HEPHL1: variants seen among roughly 807,000 people sequenced by gnomAD.
HEPHL1 encodes ferroxidase HEPHL1.
HEPHL1 carries 123 observed loss-of-function variants against 122.0 expected under a neutral mutation model. The ratio of observed to expected loss-of-function variants is 1.01; its 90% CI spans 0.87 to 1.17. The LOEUF is 1.17. Among genes scored for constraint, HEPHL1 ranks in the 50% most tolerant of loss-of-function variants. HEPHL1 has a pLI of 0.00. For synonymous variants in HEPHL1, 527 were observed against 508.9 expected (o/e 1.04, Z -0.48); for missense variants, 1,452 against 1,430.5 (o/e 1.01, Z -0.24).
intron 13 of HEPHL1, among the ~76,000 whole-genome samples, chr11:94,096,997 G>GT (rs1946322024): frequency 6.6e-6 from 1 of 152,146 alleles, no homozygotes; most frequent in Non-Finnish European, 1.5e-5. Context: ...TTTTTGAAGG[G>GT]TTTTTTGTGT....
chr11:94,101,480 C>A, intron 14 of HEPHL1, 145 bp downstream of exon 14: 1 of 812,942 alleles, frequency 1.2e-6, no homozygotes, highest in Non-Finnish European at 1.9e-6. Context: ...GATCATCATT[C>A]ATCCAATGAC....
intron 1 of HEPHL1, among the ~76,000 whole-genome samples, chr11:94,023,157 G>A (rs1945596036): frequency 6.6e-6 from 1 of 152,158 alleles, no homozygotes; most frequent in Non-Finnish European, 1.5e-5. Context: ...TAAGTAAGTG[G>A]TAGCACCAAA....
chr11:94,111,632 T>G, intron 19 of HEPHL1, 27 bp downstream of exon 19: 1 of 1,608,886 alleles, frequency 6.2e-7, no homozygotes, highest in South Asian at 1.1e-5. Flanking sequence ...CCCATGTAAA[T>G]GAGTCAACAT....
rs1327049115 is a variant in HEPHL1 at position 94,113,543 on chromosome 11, GATTTC to G, written c.*1652_*1656del. The G allele has an allele frequency of 6.6e-6, 1 of 152,164 alleles. No individual in the cohort carries two copies. Among genetic ancestry groups the G allele is most frequent in the Non-Finnish European group, 1.5e-5 (1 of 68,032 alleles). 9.4% of individuals were successfully genotyped at this position (152,164 alleles called of 1,614,324 possible). ...TCAATCTGCTAACCATTGACAATGTGATTTCATAGTACATGTTCTACAGTTTTCAT... is the reference window on the plus strand; with the variant it reads ...TCAATCTGCTAACCATTGACAATGTGATAGTACATGTTCTACAGTTTTCAT... On this transcript the variant is annotated 3_prime_UTR_variant, in exon 20 of 20. Transcript: ENST00000315765.
chr11:94,027,931 C>T (rs1222737850), intron 1 of HEPHL1, among the ~76,000 whole-genome samples: 2 of 152,168 alleles, frequency 1.3e-5, no homozygotes, highest in Non-Finnish European at 2.9e-5. Context: ...ATCTCCGTCT[C>T]CACCCTTCCT....
At chr11:94,081,022 C>A (rs1217106670) in intron 9 of HEPHL1, among the ~76,000 whole-genome samples, 3 of 152,246 alleles carry the variant, frequency 2.0e-5, no homozygotes, top group African/African-American at 7.2e-5. Context: ...CTCACAACAG[C>A]AAAGACATGG....
At position 94,064,627 on chromosome 11, in the gene HEPHL1, G is replaced by T. The variant is rs112972531; in HGVS notation, c.808+117G>T. On this transcript the variant is annotated intron_variant, in intron 4 of 19. Coordinates refer to ENST00000315765, the MANE Select transcript of HEPHL1 (RefSeq NM_001098672.2). The stretch of plus-strand genomic sequence containing the variant: ...AGTTTGGCATGATTTATAACTCAGG[G>T]ATGACCATGGTTAGAAAGTGATACA... 2,195 of 688,942 alleles carry T rather than the reference G, an allele frequency of 3.2e-3. 40 individuals are homozygous for T. The African/African-American group carries it at 0.036, about 11-fold the overall frequency. The allele number at this position is 688,942 out of a possible 1,614,324, so 42.7% of individuals were successfully genotyped here. A position where few individuals can be genotyped will look rare whatever the true frequency, so the allele number is the denominator to read the frequency against.
Position 94,111,066 on chromosome 11 carries a change from G to C in HEPHL1, c.3208+1G>C, listed in dbSNP as rs1280283120. On this transcript the variant is annotated splice_donor_variant, in intron 18 of 19. Transcript: ENST00000315765. LOFTEE classifies it high-confidence loss of function. The stretch of plus-strand genomic sequence containing the variant: ...ACCTACACGGTCCTTCGTAACATAG[G>C]TACGGTTGTCTGTCAGTGATGCCAG... The C allele has an allele frequency of 6.4e-7, 1 of 1,570,930 alleles. No homozygotes were observed. Among genetic ancestry groups the C allele is most frequent in the Admixed American group, 1.9e-5 (1 of 54,024 alleles).
At chr11:94,093,386 T>A in intron 12 of HEPHL1, 115 bp from the exon 13 acceptor site, 2 of 1,200,466 alleles carry the variant, frequency 1.7e-6, no homozygotes, top group Non-Finnish European at 2.4e-6. Context: ...CAGGGAGCAC[T>A]TGATCACAGC....
chr11:94,111,828 C>T lies in HEPHL1; in HGVS notation c.3414C>T (p.Cys1138=), dbSNP rs770314111. The T allele has an allele frequency of 7.1e-6, 11 of 1,548,356 alleles. No homozygotes were observed. Among genetic ancestry groups the T allele is most frequent in the Admixed American group, 2.0e-5 (1 of 50,496 alleles). ...CGGTGATTCTCTCCCTCAGACTCTG[C>T]TCTGCAATGAAGCAGACAGATTACC... is the stretch of plus-strand genomic sequence containing the variant. ...ITTVILSLRL[C]SAMKQTDYQQ... Residue 1138 remains cysteine, a synonymous_variant, in exon 20 of 20, where the codon TGC becomes TGT. Transcript: ENST00000315765.
In HEPHL1 at chr11:94,073,184, C is replaced by T; in HGVS notation, c.1372+20C>T. On this transcript the variant is annotated intron_variant, in intron 7 of 19. Transcript: ENST00000315765. ...TTCTTGGTACAGTAAAACCATCCCC[C>T]ATGCATTGAACCCAGGGAGATGTTT... 1 of 1,612,514 alleles carries T rather than the reference C, an allele frequency of 6.2e-7. No homozygotes were observed. Among genetic ancestry groups the T allele is most frequent in the Non-Finnish European group, 8.5e-7 (1 of 1,179,204 alleles).
At chr11:94,046,259 A>C (rs1432491368) in intron 2 of HEPHL1, among the ~76,000 whole-genome samples, 1 of 150,570 alleles carries the variant, frequency 6.6e-6, no homozygotes, top group Non-Finnish European at 1.5e-5. Context: ...ACGCCCAGCT[A>C]ATTTTTTGTA....
At chr11:94,071,576 A>G (rs899264611) in intron 6 of HEPHL1, among the ~76,000 whole-genome samples, 8 of 152,178 alleles carry the variant, frequency 5.3e-5, no homozygotes, top group African/African-American at 1.9e-4. Flanking sequence ...TATTCAATCA[A>G]TGTTTAATGT....
chr11:94,057,144 G>T (rs148709869), intron 2 of HEPHL1, among the ~76,000 whole-genome samples: 1 of 152,030 alleles, frequency 6.6e-6, no homozygotes, highest in Non-Finnish European at 1.5e-5. Flanking sequence ...TCCCTTGTAC[G>T]TGATAGGTCA....
At chr11:94,026,270 T>G (rs1354108698) in intron 1 of HEPHL1, among the ~76,000 whole-genome samples, 2 of 152,204 alleles carry the variant, frequency 1.3e-5, no homozygotes, top group East Asian at 3.9e-4. Flanking sequence ...CAAAGGGTTC[T>G]CATTGAAACC....
At chr11:94,095,988 A>T (rs754916047) in intron 13 of HEPHL1, among the ~76,000 whole-genome samples, 2 of 152,048 alleles carry the variant, frequency 1.3e-5, no homozygotes, top group African/African-American at 2.4e-5. Flanking sequence ...GACTTCCTCT[A>T]TTCCTAATTG....
chr11:94,088,955 G>C lies in HEPHL1; in HGVS notation c.2281G>C (p.Ala761Pro), dbSNP rs774900315. ...GGAGTTCGAAAAGCAGCACGTGGACGCAAGAGGGGAAAGGTACCACAGGCG... is the reference window on the plus strand; with the variant it reads ...GGAGTTCGAAAAGCAGCACGTGGACCCAAGAGGGGAAAGGTACCACAGGCG... ...NWEFEKQHVDARGERHGDIFM... is the reference protein window; with the variant it reads ...NWEFEKQHVDPRGERHGDIFM... The change falls in exon 12 of 20, where the codon GCA becomes CCA. Residue 761 changes from alanine (A) to proline (P), a missense_variant. Ala to Pro is a conservative substitution (Grantham distance 27, BLOSUM62 -1). Coordinates refer to ENST00000315765, the MANE Select transcript of HEPHL1 (RefSeq NM_001098672.2). 5.0e-6 allele frequency: 8 copies of C among 1,613,840 alleles called. No homozygotes were observed. The highest frequency in any genetic ancestry group is 2.2e-5 in the East Asian group (1 of 44,878).
intron 1 of HEPHL1, among the ~76,000 whole-genome samples, chr11:94,026,738 A>G (rs1023278656): frequency 6.6e-6 from 1 of 152,232 alleles, no homozygotes; most frequent in Admixed American, 6.5e-5. Context: ...AGCCAAGTGT[A>G]GCCCAGCCTT....
intron 1 of HEPHL1, among the ~76,000 whole-genome samples, chr11:94,045,323 T>C (rs979600922): frequency 6.6e-6 from 1 of 152,256 alleles, no homozygotes; most frequent in African/African-American, 2.4e-5. Flanking sequence ...CACCATCTAG[T>C]CACAGGCTGA....
Sources: allele counts gnomAD v4.1 joint callset (sites outside exome capture counted in the v4.1 genomes callset), GRCh38; gene constraint gnomAD v4.1.1; transcripts MANE v1.5; gene names NCBI Gene and HGNC (gene_info 2026-07-23, HGNC 2026-07-21).